ZMYND11: variants seen among roughly 807,000 people sequenced by gnomAD.
ZMYND11 encodes the protein zinc finger MYND-type containing 11.
A neutral mutation model predicts 84.9 loss-of-function variants in ZMYND11; 9 were observed. That is an observed-to-expected ratio of 0.11 (90% confidence interval 0.06 to 0.18). ZMYND11 has a LOEUF of 0.18. Among genes scored for constraint, ZMYND11 ranks in the 10% least tolerant of loss-of-function variants. ZMYND11 has a pLI of 1.00. For missense variants in ZMYND11, 409 were observed against 761.0 expected (o/e 0.54, Z 5.44); for synonymous variants, 250 against 244.1 (o/e 1.02, Z -0.23).
At chr10:197,503 T>G (rs1049975215) in intron 2 of ZMYND11, among the ~76,000 whole-genome samples, 1 of 152,218 alleles carries the variant, frequency 6.6e-6, no homozygotes, top group Non-Finnish European at 1.5e-5. Flanking sequence ...AAGAAAGACT[T>G]CTATACCTCT....
At chr10:249,267 G>GA (rs2131982935) in intron 14 of ZMYND11, 179 bp downstream of exon 14, 1 of 1,441,578 alleles carries the variant, frequency 6.9e-7, no homozygotes, top group Non-Finnish European at 9.1e-7. Flanking sequence ...CTCAACCCCA[G>GA]ATCCCATATT....
intron 1 of ZMYND11, among the ~76,000 whole-genome samples, chr10:167,499 A>C (rs547434793): frequency 8.5e-5 from 13 of 152,282 alleles, no homozygotes; most frequent in Middle Eastern, 3.4e-3. Context: ...TAAAAGGTGA[A>C]TAGAGAGTTC....
chr10:205,352 G>A (rs1447683356), intron 2 of ZMYND11, among the ~76,000 whole-genome samples: 2 of 152,092 alleles, frequency 1.3e-5, no homozygotes, highest in African/African-American at 4.8e-5. Context: ...TGTCTTCACT[G>A]TGAATTAGAT....
At chr10:141,470 G>T (rs534486980) in intron 1 of ZMYND11, among the ~76,000 whole-genome samples, 7 of 152,150 alleles carry the variant, frequency 4.6e-5, no homozygotes, top group African/African-American at 1.7e-4. Context: ...ACTGCACTCC[G>T]ACCTGGGTAC....
At chr10:234,771 C>G (rs979352111) in intron 4 of ZMYND11, among the ~76,000 whole-genome samples, 1 of 152,200 alleles carries the variant, frequency 6.6e-6, no homozygotes, top group Non-Finnish European at 1.5e-5. Context: ...TACGTTTTCT[C>G]TTCCCTGTAT....
Position 210,006 on chromosome 10 carries a change from T to A in ZMYND11, c.234T>A (p.Ala78=). 6.2e-7 allele frequency: 1 copy of A among 1,614,140 alleles called. No homozygotes were observed. The highest frequency in any genetic ancestry group is 8.5e-7 in the Non-Finnish European group (1 of 1,179,994). The change falls in exon 3 of 15, where the codon GCT becomes GCA. Residue 78 remains alanine (A), a synonymous_variant. Transcript: ENST00000381604. The part of the protein sequence containing the change: ...TLTVGCKGSK[A]GIEQEGYWLP... ...CAGTGGGCTGCAAAGGTTCAAAAGC[T>A]GGTATTGAACAAGAAGGATATTGGT... is the stretch of plus-strand genomic sequence containing the variant.
rs190287644 is a variant in ZMYND11 at position 224,350 on chromosome 10, C to A, written c.438+2994C>A. Among the ~76,000 whole-genome samples, 414 of 152,238 alleles carry A rather than the reference C, an allele frequency of 2.7e-3. 1 individual carries two copies. The highest frequency in any genetic ancestry group is 9.7e-3 in the African/African-American group (403 of 41,534). On this transcript the variant is annotated intron_variant, in intron 4 of 14. Coordinates refer to ENST00000381604, the MANE Select transcript of ZMYND11 (RefSeq NM_001370100.5). ...TAATAAATCTCTAGAATCTATAACC[C>A]TAAGAATAGTTCTTTGGAATGTCTG...
chr10:170,375 A>C (rs782609704), intron 1 of ZMYND11, among the ~76,000 whole-genome samples: 24 of 151,898 alleles, frequency 1.6e-4, no homozygotes, highest in Non-Finnish European at 3.1e-4. Context: ...TTTTCTTCCT[A>C]CTAACAGATA....
chr10:204,289 G>C (rs1268019460), intron 2 of ZMYND11, among the ~76,000 whole-genome samples: 1 of 152,004 alleles, frequency 6.6e-6, no homozygotes, highest in Non-Finnish European at 1.5e-5. Context: ...ATTCCGATTT[G>C]TTCATCTTTT....
chr10:248,575 G>A lies in ZMYND11; in HGVS notation c.1467G>A (p.Glu489=). Residue 489 remains glutamate, a synonymous_variant, in exon 13 of 15, where the codon GAG becomes GAA. Transcript: ENST00000381604. The part of the protein sequence containing the change: ...KDRMKSDHKR[E]TERVVREALE... ...GGATGAAGTCGGACCACAAGCGGGA[G>A]ACAGAGCGTGTTGTCCGAGAAGCTC... is the stretch of plus-strand genomic sequence containing the variant. The A allele has an allele frequency of 1.9e-6, 3 of 1,612,320 alleles. No homozygotes were observed. The highest frequency in any genetic ancestry group is 3.3e-5 in the Admixed American group (2 of 60,002).
chr10:215,423 GTA>G (rs1177179765), intron 3 of ZMYND11, among the ~76,000 whole-genome samples: 1 of 152,154 alleles, frequency 6.6e-6, no homozygotes, highest in Non-Finnish European at 1.5e-5. Context: ...CAAAAATAAT[GTA>G]TGAGTTTAGG....
chr10:240,741 A>G, intron 8 of ZMYND11, 152 bp from the exon 9 acceptor site: 2 of 627,536 alleles, frequency 3.2e-6, no homozygotes, highest in South Asian at 2.1e-5. Context: ...AGTACCATTT[A>G]TTGAAAACTT....
intron 1 of ZMYND11, among the ~76,000 whole-genome samples, chr10:151,022 A>T (rs1442930666): frequency 6.6e-6 from 1 of 152,220 alleles, no homozygotes; most frequent in African/African-American, 2.4e-5. Flanking sequence ...CGTTAGAAGG[A>T]AAACTAACAA....
chr10:187,500 G>A (rs888609449), intron 2 of ZMYND11, among the ~76,000 whole-genome samples: 1 of 152,074 alleles, frequency 6.6e-6, no homozygotes, highest in Admixed American at 6.5e-5. Flanking sequence ...CGGGCGCGGT[G>A]GCGGGCGCCT....
At chr10:158,997 T>TG (rs1291572974) in intron 1 of ZMYND11, among the ~76,000 whole-genome samples, 12 of 147,644 alleles carry the variant, frequency 8.1e-5, no homozygotes, top group African/African-American at 2.2e-4. Flanking sequence ...TTTTGTTTTT[T>TG]TTTTTTTTTT....
intron 11 of ZMYND11, 74 bp downstream of exon 11, chr10:247,047 A>T (rs1206422457): frequency 7.3e-7 from 1 of 1,371,610 alleles, no homozygotes; most frequent in African/African-American, 1.4e-5. Flanking sequence ...CACACTCCTC[A>T]CTGTAATGAA....
chr10:254,502 A>G lies in ZMYND11; in HGVS notation c.*2032A>G, dbSNP rs780115038. 2 of 152,676 alleles carry G rather than the reference A, an allele frequency of 1.3e-5. No homozygotes were observed. The highest frequency in any genetic ancestry group is 1.5e-5 in the Non-Finnish European group (1 of 68,038). 9.5% of individuals were successfully genotyped at this position (152,676 alleles called of 1,614,324 possible). ...TATCGAGGTGTTGAGCTTAGCCACT[A>G]TGCACATTGTAATTATTCATTGTGG... is the stretch of plus-strand genomic sequence containing the variant. On this transcript the variant is annotated 3_prime_UTR_variant, in exon 15 of 15. Coordinates refer to ENST00000381604, the MANE Select transcript of ZMYND11 (RefSeq NM_001370100.5).
chr10:199,363 A>G (rs1942587508), intron 2 of ZMYND11, among the ~76,000 whole-genome samples: 1 of 145,512 alleles, frequency 6.9e-6, no homozygotes, highest in Non-Finnish European at 1.5e-5. Flanking sequence ...CTTTCTGTGT[A>G]TGCATGTACG....
intron 2 of ZMYND11, among the ~76,000 whole-genome samples, chr10:200,090 A>G (rs1021855236): frequency 2.6e-5 from 4 of 151,586 alleles, no homozygotes; most frequent in African/African-American, 9.7e-5. Context: ...CGTAGGAATG[A>G]TGAATACACA....
Sources: gnomAD v4.1 joint callset for allele counts (sites outside exome capture counted in the v4.1 genomes callset) on GRCh38, gnomAD v4.1.1 for gene constraint, MANE v1.5 for transcripts, NCBI Gene and HGNC (gene_info 2026-07-23, HGNC 2026-07-21) for gene names.